SESN3: variants seen among roughly 807,000 people sequenced by gnomAD.
The protein encoded by SESN3 is sestrin 3.
SESN3 carries 21 observed loss-of-function variants against 55.3 expected under a neutral mutation model. That is an observed-to-expected ratio of 0.38 (90% confidence interval 0.27 to 0.55). The LOEUF is 0.55. Ranked by LOEUF, SESN3 falls within the 20% of genes least tolerant of loss-of-function variation. The pLI is 0.76. For synonymous variants in SESN3, 181 were observed against 203.1 expected (o/e 0.89, Z 0.93); for missense variants, 408 against 604.3 (o/e 0.68, Z 3.41).
chr11:95,193,175 G>T (rs1336313469), intron 2 of SESN3, among the ~76,000 whole-genome samples: 3 of 151,854 alleles, frequency 2.0e-5, no homozygotes, highest in Non-Finnish European at 4.4e-5. Context: ...CACTTAGGTG[G>T]GAAGGTCACT....
In SESN3 at chr11:95,172,949, C is replaced by T. The variant is rs1057191539; in HGVS notation, c.*306G>A. ...AATACACATACACACAACCCAAAGG[C>T]GCTGAAGTTAAGCATTAATACGCCA... is the stretch of plus-strand genomic sequence containing the variant. On this transcript the variant is annotated 3_prime_UTR_variant, in exon 10 of 10. Coordinates refer to ENST00000536441, the MANE Select transcript of SESN3 (RefSeq NM_144665.4). 30 of 267,406 alleles carry T rather than the reference C, an allele frequency of 1.1e-4. No homozygotes were observed. In the East Asian group the frequency reaches 1.8e-3, roughly 16 times the overall value. The allele number at this position is 267,406 out of a possible 1,614,324, so 16.6% of individuals were successfully genotyped here. A position where few individuals can be genotyped will look rare whatever the true frequency, so the allele number is the denominator to read the frequency against.
intron 1 of SESN3, among the ~76,000 whole-genome samples, chr11:95,196,064 G>A (rs1020366582): frequency 3.3e-5 from 5 of 152,142 alleles, no homozygotes; most frequent in Non-Finnish European, 7.3e-5. Context: ...TGATAGTCCA[G>A]GAGAGATAAA....
At chr11:95,222,750 G>A (rs1271346349) in intron 1 of SESN3, among the ~76,000 whole-genome samples, 2 of 152,150 alleles carry the variant, frequency 1.3e-5, no homozygotes, top group African/African-American at 4.8e-5. Flanking sequence ...ATTAGAAAAG[G>A]CTTTTTGGAA....
chr11:95,224,673 G>A (rs939019927), intron 1 of SESN3, among the ~76,000 whole-genome samples: 5 of 152,134 alleles, frequency 3.3e-5, no homozygotes, highest in Non-Finnish European at 7.3e-5. Flanking sequence ...GAAGCTTTAA[G>A]GCTACTGGTG....
At chr11:95,225,299 C>T (rs970780534) in intron 1 of SESN3, among the ~76,000 whole-genome samples, 2 of 152,150 alleles carry the variant, frequency 1.3e-5, no homozygotes, top group African/African-American at 2.4e-5. Context: ...ATCCAAGGAC[C>T]ATACTTTGAG....
At chr11:95,188,616 T>C (rs1353444011) in intron 4 of SESN3, among the ~76,000 whole-genome samples, 1 of 151,938 alleles carries the variant, frequency 6.6e-6, no homozygotes, top group Non-Finnish European at 1.5e-5. Context: ...AAATACTCTA[T>C]TCTTTCTTTG....
chr11:95,224,875 G>A (rs1860920908), intron 1 of SESN3, among the ~76,000 whole-genome samples: 1 of 152,100 alleles, frequency 6.6e-6, no homozygotes, highest in Admixed American at 6.5e-5. Flanking sequence ...TAAAAATGGG[G>A]TTACATGAAA....
intron 1 of SESN3, among the ~76,000 whole-genome samples, chr11:95,228,857 G>T (rs891773036): frequency 2.0e-5 from 3 of 152,162 alleles, no homozygotes; most frequent in Non-Finnish European, 2.9e-5. Flanking sequence ...CTAGAAATGA[G>T]GATGTTCTTT....
Position 95,173,293 on chromosome 11 carries a change from G to A in SESN3, c.1441C>T (p.Leu481Phe). The part of the protein sequence containing the change: ...LMEARMQAEL[L>F]YALRAITRHL... ...CGAGTTATGGCACGAAGAGCATAAAGAAGTTCAGCTTGCATTCGTGCTTCC... is the reference window on the plus strand; with the variant it reads ...CGAGTTATGGCACGAAGAGCATAAAAAAGTTCAGCTTGCATTCGTGCTTCC... Residue 481 changes from leucine (L) to phenylalanine (F), a missense_variant, in exon 10 of 10, where the codon CTT becomes TTT. By Grantham distance (22) the Leu-to-Phe change is conservative. Coordinates refer to ENST00000536441, the MANE Select transcript of SESN3 (RefSeq NM_144665.4). 6.3e-7 allele frequency: 1 copy of A among 1,596,810 alleles called. No homozygotes were observed. The highest frequency in any genetic ancestry group is 8.6e-7 in the Non-Finnish European group (1 of 1,166,254).
At chr11:95,196,394 T>A (rs114066961) in intron 1 of SESN3, among the ~76,000 whole-genome samples, 1,564 of 152,270 alleles carry the variant, frequency 0.01, 35 homozygotes, top group African/African-American at 0.036. Flanking sequence ...TATCTCTGCA[T>A]GCTTTTAAAG....
chr11:95,182,090 C>A, intron 6 of SESN3: 1 of 282,938 alleles, frequency 3.5e-6, no homozygotes. Flanking sequence ...AGTCAAAATT[C>A]ACTTTTGAAG....
intron 1 of SESN3, among the ~76,000 whole-genome samples, chr11:95,227,601 TAAC>T (rs1860971646): frequency 6.6e-6 from 1 of 152,134 alleles, no homozygotes; most frequent in African/African-American, 2.4e-5. Context: ...AAAAGTGCAA[TAAC>T]AATACAAAGA....
chr11:95,184,459 C>T lies in SESN3; in HGVS notation c.898G>A (p.Val300Met). ...FEKEKKESLF[V>M]VSGDTFHSFP... ...GAATGAAAAGTATCTCCAGAGACCA[C>T]AAAAAGACTTTCTTTCTTCTCCTTT... The change falls in exon 6 of 10, where the codon GTG becomes ATG. Residue 300 changes from valine (V) to methionine (M), a missense_variant. Val to Met is a conservative substitution (Grantham distance 21). Coordinates refer to ENST00000536441, the MANE Select transcript of SESN3 (RefSeq NM_144665.4). The T allele has an allele frequency of 1.5e-5, 24 of 1,613,580 alleles. No individual in the cohort carries two copies. Among genetic ancestry groups the T allele is most frequent in the Non-Finnish European group, 2.0e-5 (24 of 1,179,756 alleles).
rs1860234280 is a variant in SESN3, at chr11:95,189,878, C to G, written c.426G>C (p.Leu142Phe). Reference protein sequence around the residue: ...FLKTGGIAEWLNGLEYVPQRL... With the variant: ...FLKTGGIAEWFNGLEYVPQRL... ...TTTGTGGCACATATTCCAAACCATT[C>G]AACCACTCAGCAATACCTCCAGTCT... The change falls in exon 4 of 10, where the codon TTG becomes TTC. Residue 142 changes from leucine to phenylalanine, a missense_variant. Transcript: ENST00000536441. 1 of 1,611,588 alleles carries G rather than the reference C, an allele frequency of 6.2e-7. No homozygotes were observed. The highest frequency in any genetic ancestry group is 8.5e-7 in the Non-Finnish European group (1 of 1,178,566).
chr11:95,203,497 T>A (rs1344344782), intron 1 of SESN3, among the ~76,000 whole-genome samples: 2 of 152,150 alleles, frequency 1.3e-5, no homozygotes, highest in African/African-American at 4.8e-5. Context: ...TAATAAAACT[T>A]AAAAGAACAG....
chr11:95,224,061 T>C (rs1860906862), intron 1 of SESN3, among the ~76,000 whole-genome samples: 1 of 152,230 alleles, frequency 6.6e-6, no homozygotes, highest in African/African-American at 2.4e-5. Context: ...CAAATCTCTT[T>C]AATGTCTATT....
intron 1 of SESN3, among the ~76,000 whole-genome samples, chr11:95,205,830 G>A (rs1232135371): frequency 6.6e-6 from 1 of 151,914 alleles, no homozygotes; most frequent in East Asian, 1.9e-4. Flanking sequence ...TTCTCAGTGA[G>A]TCTAATTTGC....
rs1285924385 is a variant in SESN3, at chr11:95,169,871, C to T, written c.*3384G>A. 6.6e-6 allele frequency: 1 copy of T among 152,062 alleles called. No individual in the cohort carries two copies. The highest frequency in any genetic ancestry group is 6.6e-5 in the Admixed American group (1 of 15,258). The allele number at this position is 152,062 out of a possible 1,614,324, so 9.4% of individuals were successfully genotyped here. The stretch of plus-strand genomic sequence containing the variant: ...TTAAGATCTTTAGGAGACATTATAA[C>T]AACTAAATAGGAGCTCTGGTTCAAA... On this transcript the variant is annotated 3_prime_UTR_variant, in exon 10 of 10. Transcript: ENST00000536441.
At chr11:95,203,598 T>A (rs1860496403) in intron 1 of SESN3, 1 of 152,190 alleles carries the variant, frequency 6.6e-6, no homozygotes, top group Non-Finnish European at 1.5e-5. Flanking sequence ...AGTAAATGCA[T>A]GAAGACATCA....
Sources: gnomAD v4.1 joint callset for allele counts (sites outside exome capture counted in the v4.1 genomes callset) on GRCh38, gnomAD v4.1.1 for gene constraint, MANE v1.5 for transcripts, NCBI Gene and HGNC (gene_info 2026-07-23, HGNC 2026-07-21) for gene names.